Variants in JAKMIP3 observed in about 807,000 individuals in gnomAD.
JAKMIP3 encodes janus kinase and microtubule-interacting protein 3.
JAKMIP3 carries 58 observed loss-of-function variants against 118.5 expected under a neutral mutation model. That is an observed-to-expected ratio of 0.49 (90% CI 0.40 to 0.61). The LOEUF is 0.61. Among genes scored for constraint, JAKMIP3 ranks in the 20% least tolerant of loss-of-function variants. JAKMIP3 has a pLI of 0.00. For synonymous variants in JAKMIP3, 486 were observed against 451.2 expected (o/e 1.08, Z -0.98); for missense variants, 950 against 1,109.0 (o/e 0.86, Z 2.04).
intron 2 of JAKMIP3, among the ~76,000 whole-genome samples, chr10:132,108,970 A>G (rs867199063): frequency 2.1e-5 from 2 of 96,744 alleles, no homozygotes; most frequent in African/African-American, 9.0e-5. Flanking sequence ...GTATATATAA[A>G]TTATATACGC....
rs2047097414 is a variant in JAKMIP3, at chr10:132,112,912, T to C, written c.136-4165T>C. Among the ~76,000 whole-genome samples the C allele has an allele frequency of 1.3e-5, 2 of 152,308 alleles. No homozygotes were observed. The highest frequency in any genetic ancestry group is 4.2e-4 in the South Asian group (2 of 4,818). ...CTTCTGCCCCCTTTGGCTGCTCCAT[T>C]CTTTCCTACTCCTTAGAAAAAAATA... On this transcript the variant is annotated intron_variant, in intron 2 of 23. Coordinates refer to ENST00000684848, the MANE Select transcript of JAKMIP3 (RefSeq NM_001323087.2). This position sits in a 1 kb window ranked among gnomAD's most constrained non-coding sequence, Gnocchi z 4.3.
chr10:132,098,300 A>G (rs1259900074), intron 1 of JAKMIP3, among the ~76,000 whole-genome samples: 1 of 152,126 alleles, frequency 6.6e-6, no homozygotes, highest in Non-Finnish European at 1.5e-5. Context: ...CTGGGATTAC[A>G]GGCCTCAGCC....
At chr10:132,054,201 T>C (rs1039492614) in intron 1 of JAKMIP3, among the ~76,000 whole-genome samples, 1 of 152,008 alleles carries the variant, frequency 6.6e-6, no homozygotes, top group Non-Finnish European at 1.5e-5. Context: ...TCATATAACT[T>C]CCCTTCCCAG....
At position 132,163,220 on chromosome 10, in the gene JAKMIP3, G is replaced by A; in HGVS notation, c.2232G>A (p.Glu744=). Residue 744 remains glutamate (E), a synonymous_variant, in exon 20 of 24, where the codon GAG becomes GAA. Transcript: ENST00000684848. ...ALDQANKHIL[E]LEAMLYDALQ... ...CCCTTCCGCCCCAGCACATCCTGGA[G>A]CTGGAAGCCATGCTGTATGATGCCC... is the stretch of plus-strand genomic sequence containing the variant. The A allele has an allele frequency of 6.4e-7, 1 of 1,560,586 alleles. No homozygotes were observed.
chr10:132,155,853 G>C (rs1474166949), intron 19 of JAKMIP3, among the ~76,000 whole-genome samples: 2 of 152,176 alleles, frequency 1.3e-5, no homozygotes, highest in Non-Finnish European at 2.9e-5. Context: ...GCCAGCCCCG[G>C]GTGAGCTGGC....
Position 132,179,098 on chromosome 10 carries a change from G to A in JAKMIP3, c.*1104-3259G>A, listed in dbSNP as rs554593622. On this transcript the variant is annotated intron_variant, in intron 23 of 23. Coordinates refer to ENST00000684848, the MANE Select transcript of JAKMIP3 (RefSeq NM_001323087.2). This position sits in a 1 kb window ranked among gnomAD's most constrained non-coding sequence, Gnocchi z 4.3. Reference sequence around the variant, plus strand: ...TGCCCCAGGCATGCTGCCATCTCCTGTCCCTGCTGCCGCCCTTGGCACTGT... The same window carrying A: ...TGCCCCAGGCATGCTGCCATCTCCTATCCCTGCTGCCGCCCTTGGCACTGT... 6.6e-6 allele frequency among the ~76,000 whole-genome samples: 1 copy of A among 152,220 alleles called. No individual in the cohort carries two copies. The highest frequency in any genetic ancestry group is 1.5e-5 in the Non-Finnish European group (1 of 68,044).
At chr10:132,161,230 G>C (rs1188748327) in intron 19 of JAKMIP3, among the ~76,000 whole-genome samples, 1 of 4,274 alleles carries the variant, frequency 2.3e-4, no homozygotes, top group African/African-American at 7.7e-4. Context: ...TGTGATGCTG[G>C]GGGGGCCTCT....
At chr10:132,057,015 T>C (rs1313668328) in intron 1 of JAKMIP3, among the ~76,000 whole-genome samples, 1 of 152,138 alleles carries the variant, frequency 6.6e-6, no homozygotes, top group Non-Finnish European at 1.5e-5. Flanking sequence ...AATTCCACCC[T>C]GGGGGTGGCT....
chr10:132,174,938 C>A (rs2060013610), intron 23 of JAKMIP3, among the ~76,000 whole-genome samples: 1 of 152,084 alleles, frequency 6.6e-6, no homozygotes, highest in Non-Finnish European at 1.5e-5. Flanking sequence ...ATCATTTGCC[C>A]ATTTTTGTAT....
rs928660587 is a variant in JAKMIP3, at chr10:132,155,229, A to G, written c.2220+1239A>G. On this transcript the variant is annotated intron_variant, in intron 19 of 23. Transcript: ENST00000684848. ...ATAGTGATCAATGATGATGGTGATG[A>G]TGGTGGTGGTGGTGATGAGGATGGT... Among the ~76,000 whole-genome samples, 44 of 151,284 alleles carry G rather than the reference A, an allele frequency of 2.9e-4. 2 individuals carry two copies. Among genetic ancestry groups the G allele is most frequent in the Admixed American group, 4.6e-4 (7 of 15,206 alleles).
At chr10:132,176,262 T>C (rs2060131010) in intron 23 of JAKMIP3, among the ~76,000 whole-genome samples, 1 of 152,214 alleles carries the variant, frequency 6.6e-6, no homozygotes, top group African/African-American at 2.4e-5. Context: ...AGCCTCCAGC[T>C]CACAGGCAGC....
chr10:132,091,531 C>A (rs1191376768), intron 1 of JAKMIP3, among the ~76,000 whole-genome samples: 1 of 152,022 alleles, frequency 6.6e-6, no homozygotes, highest in Non-Finnish European at 1.5e-5. Context: ...ATGTAATGGT[C>A]TTCTTTGTCT....
chr10:132,176,585 C>T (rs543169137), intron 23 of JAKMIP3, among the ~76,000 whole-genome samples: 7 of 152,304 alleles, frequency 4.6e-5, no homozygotes, highest in South Asian at 2.1e-4. Flanking sequence ...GTTTCCACAA[C>T]GCAGACTACT....
chr10:132,171,998 C>T (rs565473879), intron 23 of JAKMIP3, among the ~76,000 whole-genome samples: 40 of 152,266 alleles, frequency 2.6e-4, no homozygotes, highest in Non-Finnish European at 5.3e-4. Context: ...AAACTTAACT[C>T]AGCCACACCC....
At chr10:132,050,485 G>T (rs2038067132) in intron 1 of JAKMIP3, among the ~76,000 whole-genome samples, 4 of 152,212 alleles carry the variant, frequency 2.6e-5, no homozygotes, top group African/African-American at 9.7e-5. Context: ...AGGATGTGGG[G>T]CCTGGATTTG....
chr10:132,154,073 C>T, intron 19 of JAKMIP3, 83 bp downstream of exon 19: 2 of 1,296,426 alleles, frequency 1.5e-6, no homozygotes, highest in South Asian at 1.2e-5. Flanking sequence ...AGCAGTGCCT[C>T]AGGTGCCCAT....
At position 132,105,098 on chromosome 10, in the gene JAKMIP3, G is replaced by A. The variant is rs184847396; in HGVS notation, c.135+155G>A. Among the ~76,000 whole-genome samples the A allele has an allele frequency of 1.5e-3, 224 of 152,360 alleles. 2 individuals carry two copies. The highest frequency in any genetic ancestry group is 5.2e-3 in the African/African-American group (216 of 41,592). Reference sequence around the variant, plus strand: ...GGGACAGACCACTTGGTGGGGGGTGGGGCGGCAGGCAGTGGGAGACTTGAG... The same window carrying A: ...GGGACAGACCACTTGGTGGGGGGTGAGGCGGCAGGCAGTGGGAGACTTGAG... On this transcript the variant is annotated intron_variant, in intron 2 of 23. Coordinates refer to ENST00000684848, the MANE Select transcript of JAKMIP3 (RefSeq NM_001323087.2).
chr10:132,066,596 C>T (rs1045000749), intron 1 of JAKMIP3, among the ~76,000 whole-genome samples: 1 of 152,218 alleles, frequency 6.6e-6, no homozygotes, highest in African/African-American at 2.4e-5. Flanking sequence ...GAGGCCTCAC[C>T]ACCTACCTGC....
At chr10:132,141,549 T>C (rs1177457422) in intron 10 of JAKMIP3, among the ~76,000 whole-genome samples, 2 of 152,146 alleles carry the variant, frequency 1.3e-5, no homozygotes, top group African/African-American at 4.8e-5. Flanking sequence ...TGTGCAGGCC[T>C]GGTTGGTAAC....
Sources: allele counts gnomAD v4.1 joint callset (sites outside exome capture counted in the v4.1 genomes callset), GRCh38; gene constraint gnomAD v4.1.1; non-coding constraint Gnocchi (gnomAD v3.1); transcripts MANE v1.5; gene names NCBI Gene and HGNC (gene_info 2026-07-23, HGNC 2026-07-21).